The following C2CD5 variants were observed in gnomAD, a reference collection of about 807,000 sequenced individuals.
C2CD5 encodes the protein C2 domain-containing protein 5.
C2CD5 carries 109 observed loss-of-function variants against 130.3 expected under a neutral mutation model. That is an observed-to-expected ratio of 0.84 (90% CI 0.72 to 0.98). The LOEUF is 0.98. Ranked by LOEUF, C2CD5 falls within the 50% of genes least tolerant of loss-of-function variation. The pLI is 0.00. For synonymous variants in C2CD5, 454 were observed against 429.2 expected (o/e 1.06, Z -0.71); for missense variants, 996 against 1,261.8 (o/e 0.79, Z 3.19).
Position 22,524,532 on chromosome 12 carries a change from G to A in C2CD5, c.541C>T (p.Arg181Ter), listed in dbSNP as rs760237312. 3.1e-6 allele frequency: 5 copies of A among 1,613,542 alleles called. No individual in the cohort carries two copies. Among genetic ancestry groups the A allele is most frequent in the East Asian group, 2.2e-5 (1 of 44,876 alleles). Residue 181 changes from arginine to a stop codon, truncating the protein, a stop_gained, in exon 6 of 27, where the codon CGA becomes TGA. Coordinates refer to ENST00000446597, the MANE Select transcript of C2CD5 (RefSeq NM_001286176.2). LOFTEE classifies it high-confidence loss of function. ...NEDPEYQWID[R>*]IRTPRASNEA... ...TTTGATGCCCTTGGTGTGCGAATTC[G>A]ATCAATCCACTGATATTCTGGGTCT...
At chr12:22,518,180 A>G in intron 7 of C2CD5, 43 bp from the exon 8 acceptor site, 1 of 1,591,468 alleles carries the variant, frequency 6.3e-7, no homozygotes, top group Non-Finnish European at 8.6e-7. Flanking sequence ...TCATGTGCCA[A>G]AGGACTTGAC....
chr12:22,518,345 T>C (rs1393325441), intron 7 of C2CD5, among the ~76,000 whole-genome samples: 1 of 151,896 alleles, frequency 6.6e-6, no homozygotes, highest in Non-Finnish European at 1.5e-5. Context: ...AAACAGTTAA[T>C]AAGCCAAGTG....
intron 1 of C2CD5, 67 bp downstream of exon 1, chr12:22,544,253 T>C (rs947858694): frequency 7.6e-6 from 9 of 1,189,006 alleles, no homozygotes; most frequent in East Asian, 2.8e-5. Context: ...GCGGGGTAAC[T>C]GACAGCGAAG....
chr12:22,454,071 C>CTA, intron 25 of C2CD5, 29 bp from the exon 26 acceptor site: 2 of 1,582,748 alleles, frequency 1.3e-6, no homozygotes, highest in Non-Finnish European at 1.7e-6. Flanking sequence ...GAAAATCATA[C>CTA]TATATATACA....
At chr12:22,518,831 T>C (rs2136961445) in intron 7 of C2CD5, among the ~76,000 whole-genome samples, 1 of 152,314 alleles carries the variant, frequency 6.6e-6, no homozygotes, top group South Asian at 2.1e-4. Context: ...AAAATATATA[T>C]GGGAGGATTC....
intron 14 of C2CD5, among the ~76,000 whole-genome samples, chr12:22,478,700 G>A (rs1944240264): frequency 6.6e-6 from 1 of 152,008 alleles, no homozygotes; most frequent in Non-Finnish European, 1.5e-5. Context: ...ACAAAAATTA[G>A]CCAGGTGTAG....
chr12:22,534,647 T>C (rs770462053), intron 3 of C2CD5: 3 of 152,292 alleles, frequency 2.0e-5, no homozygotes, highest in African/African-American at 7.2e-5. Flanking sequence ...GAAAACATTA[T>C]GCTGAGTAAA....
intron 10 of C2CD5, chr12:22,502,738 C>T: frequency 6.6e-7 from 1 of 1,506,638 alleles, no homozygotes; most frequent in Non-Finnish European, 8.9e-7. Context: ...CATTAAAATA[C>T]CTGAATTGAA....
intron 9 of C2CD5, among the ~76,000 whole-genome samples, chr12:22,508,629 A>T (rs1948842774): frequency 1.3e-5 from 2 of 152,332 alleles, no homozygotes; most frequent in South Asian, 4.1e-4. Context: ...TATAAGTATT[A>T]AGAAAGAAGT....
chr12:22,539,104 GAAAC>G (rs1321831773), intron 2 of C2CD5, among the ~76,000 whole-genome samples: 2 of 151,998 alleles, frequency 1.3e-5, no homozygotes, highest in African/African-American at 4.8e-5. Context: ...CATACATCTT[GAAAC>G]AGTTGCCTAT....
intron 2 of C2CD5, among the ~76,000 whole-genome samples, chr12:22,537,345 C>A (rs776717729): frequency 2.0e-5 from 3 of 152,128 alleles, no homozygotes; most frequent in Non-Finnish European, 2.9e-5. Flanking sequence ...GCCAGGAGTT[C>A]AAGGCTGCTG....
Position 22,484,755 on chromosome 12 carries a change from T to C in C2CD5, c.1492A>G (p.Thr498Ala). ...KQKVPDVLFTTIDLPTDATVI... is the reference protein window; with the variant it reads ...KQKVPDVLFTAIDLPTDATVI... ...GTTGCATCTGTTGGGAGGTCTATAG[T>C]TGTAAACAGAACATCAGGAACTTTT... Residue 498 changes from threonine (T) to alanine (A), a missense_variant, in exon 13 of 27, where the codon ACT (threonine) becomes GCT (alanine). Coordinates refer to ENST00000446597, the MANE Select transcript of C2CD5 (RefSeq NM_001286176.2). 1 of 1,609,594 alleles carries C rather than the reference T, an allele frequency of 6.2e-7. No homozygotes were observed. Among genetic ancestry groups the C allele is most frequent in the Non-Finnish European group, 8.5e-7 (1 of 1,178,058 alleles).
intron 1 of C2CD5, 29 bp from the exon 2 acceptor site, chr12:22,544,208 CG>C: frequency 6.4e-7 from 1 of 1,553,556 alleles, no homozygotes; most frequent in African/African-American, 1.4e-5. Context: ...GAGTCTGCGC[CG>C]AGCGCGGGGC....
intron 9 of C2CD5, among the ~76,000 whole-genome samples, chr12:22,513,049 CA>C (rs1212715950): frequency 2.6e-5 from 4 of 151,856 alleles, no homozygotes; most frequent in Non-Finnish European, 4.4e-5. Context: ...TAGGTATTAT[CA>C]AAAATAGTAT....
chr12:22,490,072 AC>A, intron 12 of C2CD5, 50 bp downstream of exon 12: 1 of 1,367,746 alleles, frequency 7.3e-7, no homozygotes, highest in Non-Finnish European at 1.0e-6. Context: ...AAAAAAGTCG[AC>A]CTCTCCCTTC....
intron 3 of C2CD5, 25 bp from the exon 4 acceptor site, chr12:22,527,917 A>T (rs11046459): frequency 0.075 from 112,814 of 1,499,440 alleles, 9,101 homozygotes; most frequent in African/African-American, 0.42. Context: ...TAAAATTAAA[A>T]CTCATATAGT....
chr12:22,478,370 C>G lies in C2CD5; in HGVS notation c.1845G>C (p.Gln615His). The G allele has an allele frequency of 1.2e-6, 2 of 1,613,044 alleles. No individual in the cohort carries two copies. The highest frequency in any genetic ancestry group is 8.5e-7 in the Non-Finnish European group (1 of 1,179,136). ...GSYEQHISHM[Q>H]KKINDTIAKN... The stretch of plus-strand genomic sequence containing the variant: ...TAGCAATTGTGTCATTTATCTTCTT[C>G]TGCATATGAGAGATGTGTTGTTCAT... Residue 615 changes from glutamine to histidine, a missense_variant, in exon 15 of 27, where the codon CAG (glutamine) becomes CAC (histidine). By Grantham distance (24) the Gln-to-His change is conservative. Coordinates refer to ENST00000446597, the MANE Select transcript of C2CD5 (RefSeq NM_001286176.2).
Position 22,459,538 on chromosome 12 carries a change from G to A in C2CD5, c.2538C>T (p.His846=). Residue 846 remains histidine (H), a synonymous_variant, in exon 23 of 27, where the codon CAC becomes CAT. Coordinates refer to ENST00000446597, the MANE Select transcript of C2CD5 (RefSeq NM_001286176.2). ...CTGAGTTAGAACTTGCACTCTCCAG[G>A]TGTTCTAATAAGACAATATGAACAA... ...PSHPFPPAKE[H]LESASSNSGI... The A allele has an allele frequency of 2.0e-6, 3 of 1,528,030 alleles. No individual in the cohort carries two copies. Among genetic ancestry groups the A allele is most frequent in the East Asian group, 2.5e-5 (1 of 40,816 alleles). 94.7% of individuals were successfully genotyped at this position (1,528,030 alleles called of 1,614,324 possible).
At chr12:22,465,020 G>C (rs117894432) in intron 22 of C2CD5, among the ~76,000 whole-genome samples, 87 of 152,126 alleles carry the variant, frequency 5.7e-4, no homozygotes, top group Non-Finnish European at 8.7e-4. Context: ...ATCTAATTTG[G>C]TTTAACAAAG....
Sources: gnomAD v4.1 joint callset for allele counts (sites outside exome capture counted in the v4.1 genomes callset) on GRCh38, gnomAD v4.1.1 for gene constraint, MANE v1.5 for transcripts, NCBI Gene and HGNC (gene_info 2026-07-23, HGNC 2026-07-21) for gene names.